The following RPRD2 variants were observed in gnomAD, a reference collection of about 807,000 sequenced individuals.
RPRD2 encodes regulation of nuclear pre-mRNA domain containing 2.
Under a neutral mutation model 104.4 loss-of-function variants are expected in RPRD2, and 12 were observed. The observed-to-expected ratio is 0.11, with a 90% confidence interval of 0.07 to 0.19. The LOEUF (loss-of-function observed/expected upper bound fraction) is 0.19, where lower values mean the gene tolerates loss of function less well. RPRD2 is among the 10% of genes least tolerant of loss of function. The pLI is 1.00. For synonymous variants in RPRD2, 714 were observed against 684.9 expected (o/e 1.04, Z -0.66); for missense variants, 1,543 against 1,790.1 (o/e 0.86, Z 2.49).
chr1:150,403,656 T>C (rs1362201761), intron 1 of RPRD2, among the ~76,000 whole-genome samples: 1 of 93,092 alleles, frequency 1.1e-5, no homozygotes, highest in African/African-American at 5.2e-5. Context: ...TTACCCAATA[T>C]TTTTTTTTGT....
intron 6 of RPRD2, 31 bp from the exon 7 acceptor site, chr1:150,446,195 C>T: frequency 1.4e-6 from 2 of 1,442,956 alleles, no homozygotes; most frequent in East Asian, 2.5e-5. Flanking sequence ...TTTATTTTAT[C>T]CTGAAATGAA....
intron 7 of RPRD2, among the ~76,000 whole-genome samples, chr1:150,454,164 C>T (rs587656937): frequency 6.6e-6 from 1 of 152,310 alleles, no homozygotes; most frequent in African/African-American, 2.4e-5. Flanking sequence ...TGAGCCAGTT[C>T]TCTCTTTCAT....
In RPRD2 at chr1:150,473,200, C is replaced by T. The variant is rs759818220; in HGVS notation, c.4252C>T (p.Arg1418Trp). The change falls in exon 11 of 11, where the codon CGG becomes TGG. Residue 1418 changes from arginine (R) to tryptophan (W), a missense_variant. Around this residue, in one of 4 missense-constraint regions of RPRD2, gnomAD observed 880 missense variants for 885.6 expected, o/e 0.99. Coordinates refer to ENST00000369068, the MANE Select transcript of RPRD2 (RefSeq NM_015203.5). ...SRSGIILRSP[R>W]PDFRPREPFL... ...GAGTGGTATAATCTTACGGAGTCCC[C>T]GGCCAGACTTTCGGCCTAGGGAACC... The T allele has an allele frequency of 3.2e-5, 51 of 1,613,850 alleles. No individual in the cohort carries two copies. The highest frequency in any genetic ancestry group is 8.0e-5 in the African/African-American group (6 of 74,922).
At chr1:150,371,154 T>C (rs1660271534) in intron 1 of RPRD2, among the ~76,000 whole-genome samples, 1 of 152,202 alleles carries the variant, frequency 6.6e-6, no homozygotes, top group Non-Finnish European at 1.5e-5. Flanking sequence ...ATGCCAATGG[T>C]TTCTCAGTTT....
rs1667838673 is a variant in RPRD2, at chr1:150,460,298, A to G, written c.1392A>G (p.Thr464=). ...TCAGTTCCATCCTTAGCAGTTTAAC[A>G]TCAGTCATGAAAAATACTGGTAAGT... ...AKISSILSSL[T]SVMKNTGVSP... Residue 464 remains threonine (T), a synonymous_variant, in exon 9 of 11, where the codon ACA becomes ACG. Transcript: ENST00000369068. The G allele has an allele frequency of 4.3e-6, 7 of 1,611,734 alleles. No homozygotes were observed. The highest frequency in any genetic ancestry group is 5.9e-6 in the Non-Finnish European group (7 of 1,178,722).
At chr1:150,470,446 A>T (rs1484698559) in intron 10 of RPRD2, 115 bp from the exon 11 acceptor site, 1 of 1,089,620 alleles carries the variant, frequency 9.2e-7, no homozygotes. Flanking sequence ...TTGGCCTTAC[A>T]CTTTGTCTAT....
At chr1:150,428,111 A>G (rs1665287443) in intron 2 of RPRD2, among the ~76,000 whole-genome samples, 1 of 152,164 alleles carries the variant, frequency 6.6e-6, no homozygotes, top group South Asian at 2.1e-4. Context: ...AGACTAAGTT[A>G]TATGAATGGG....
chr1:150,394,537 T>C (rs1157145046), intron 1 of RPRD2, among the ~76,000 whole-genome samples: 1 of 152,210 alleles, frequency 6.6e-6, no homozygotes, highest in Non-Finnish European at 1.5e-5. Context: ...TTGCTAAATG[T>C]AGGTAAAATA....
At chr1:150,386,144 A>G (rs1278318561) in intron 1 of RPRD2, among the ~76,000 whole-genome samples, 1 of 152,120 alleles carries the variant, frequency 6.6e-6, no homozygotes, top group South Asian at 2.1e-4. Flanking sequence ...TATTTATTTT[A>G]CTTTTTTTGA....
Position 150,462,472 on chromosome 1 carries a change from A to C in RPRD2, c.1412-2055A>C, listed in dbSNP as rs587695958. Among the ~76,000 whole-genome samples the C allele has an allele frequency of 3.2e-4, 49 of 151,666 alleles. No individual in the cohort carries two copies. The South Asian group carries it at 8.5e-3, about 26-fold the overall frequency. ...AAAAAAAACAAAAAACAAAAAAAAA[A>C]CCTGTAAATTATAAAAATTTTATGA... On this transcript the variant is annotated intron_variant, in intron 9 of 10. Transcript: ENST00000369068.
chr1:150,364,638 T>G lies in RPRD2; in HGVS notation c.-77T>G. ...ACCTACGGCTTTCACGCACTCGCAG[T>G]GATTGTTTTGCCCGCTCCCGCCGCC... is the stretch of plus-strand genomic sequence containing the variant. On this transcript the variant is annotated 5_prime_UTR_variant, in exon 1 of 11. Transcript: ENST00000369068. The G allele has an allele frequency of 1.3e-5, 9 of 713,338 alleles. No individual in the cohort carries two copies. Among genetic ancestry groups the G allele is most frequent in the Non-Finnish European group, 1.9e-5 (8 of 427,120 alleles). The allele number at this position is 713,338 out of a possible 1,614,324, so 44.2% of individuals were successfully genotyped here. A position where few individuals can be genotyped will look rare whatever the true frequency, so the allele number is the denominator to read the frequency against.
intron 10 of RPRD2, among the ~76,000 whole-genome samples, chr1:150,468,528 A>C (rs1668421954): frequency 6.6e-6 from 1 of 152,150 alleles, no homozygotes; most frequent in Admixed American, 6.5e-5. Context: ...ACATTATTAT[A>C]TATCACATTC....
Position 150,387,676 on chromosome 1 carries a change from C to T in RPRD2, c.205+22757C>T, listed in dbSNP as rs587770452. On this transcript the variant is annotated intron_variant, in intron 1 of 10. Coordinates refer to ENST00000369068, the MANE Select transcript of RPRD2 (RefSeq NM_015203.5). The stretch of plus-strand genomic sequence containing the variant: ...GCGTGATCTTGGCTCACTGCAACCT[C>T]TGCCTCCTGGGTTCAAGTGGTTCTC... Among the ~76,000 whole-genome samples the T allele has an allele frequency of 6.7e-5, 9 of 134,492 alleles. No homozygotes were observed. In the East Asian group the frequency reaches 1.7e-3, roughly 25 times the overall value. 88.2% of individuals were successfully genotyped at this position (134,492 alleles called of 152,430 possible).
At chr1:150,435,520 G>A (rs1349140852) in intron 2 of RPRD2, among the ~76,000 whole-genome samples, 15 of 152,180 alleles carry the variant, frequency 9.9e-5, no homozygotes, top group South Asian at 2.1e-4. Context: ...TGATAAGAAA[G>A]CAAAATAGCT....
chr1:150,433,044 GAGGTGATGGCTACCCTATTATAT>G (rs1157680033), intron 2 of RPRD2, among the ~76,000 whole-genome samples: 1 of 152,014 alleles, frequency 6.6e-6, no homozygotes, highest in Non-Finnish European at 1.5e-5. Context: ...ATATATGTTT[GAGGTGATGGCTACCCTATTATAT>G]ACTCTGATGT....
rs1172669591 is a variant in RPRD2, at chr1:150,471,428, T to C, written c.2480T>C (p.Phe827Ser). Residue 827 changes from phenylalanine (F) to serine (S), a missense_variant, in exon 11 of 11, where the codon TTC becomes TCC. Physicochemically the swap from Phe to Ser is radical, Grantham distance 155. Around this residue, in one of 4 missense-constraint regions of RPRD2, gnomAD observed 880 missense variants for 885.6 expected, o/e 0.99. Coordinates refer to ENST00000369068, the MANE Select transcript of RPRD2 (RefSeq NM_015203.5). This position sits in a 1 kb window ranked among gnomAD's most constrained non-coding sequence, Gnocchi z 5.3. ...GAAAAGTTCTACCCAGATACTTCTT[T>C]CCAAGAAGATGAGGATTACCGAGAT... ...SQEKFYPDTS[F>S]QEDEDYRDFE... 5.6e-6 allele frequency: 9 copies of C among 1,613,788 alleles called. No homozygotes were observed. Among genetic ancestry groups the C allele is most frequent in the Non-Finnish European group, 6.8e-6 (8 of 1,179,870 alleles).
intron 1 of RPRD2, among the ~76,000 whole-genome samples, chr1:150,398,992 TTTTA>T (rs587683669): frequency 8.9e-4 from 135 of 152,172 alleles, no homozygotes; most frequent in African/African-American, 2.7e-3. Flanking sequence ...CTTACAGAAG[TTTTA>T]TTTATTTTAA....
intron 1 of RPRD2, among the ~76,000 whole-genome samples, chr1:150,415,183 T>A (rs1052416438): frequency 6.6e-6 from 1 of 151,858 alleles, no homozygotes; most frequent in Non-Finnish European, 1.5e-5. Context: ...ACAAAAAAAT[T>A]AGCTGGGCTT....
At chr1:150,429,723 T>G (rs1437586254) in intron 2 of RPRD2, among the ~76,000 whole-genome samples, 1 of 152,238 alleles carries the variant, frequency 6.6e-6, no homozygotes, top group Non-Finnish European at 1.5e-5. Flanking sequence ...TTATAATCAC[T>G]GTTTTGAAGA....
Sources: gnomAD v4.1 joint callset for allele counts (sites outside exome capture counted in the v4.1 genomes callset) on GRCh38, gnomAD v4.1.1 for gene constraint, gnomAD v4.1.1 regional missense constraint, Gnocchi (gnomAD v3.1) non-coding constraint, MANE v1.5 for transcripts, NCBI Gene and HGNC (gene_info 2026-07-23, HGNC 2026-07-21) for gene names.